The following GALNT16 variants were observed in gnomAD, a reference collection of about 807,000 sequenced individuals.
The protein encoded by GALNT16 is polypeptide N-acetylgalactosaminyltransferase 16.
GALNT16 carries 40 observed loss-of-function variants against 76.1 expected under a neutral mutation model. The observed-to-expected ratio is 0.53, with a 90% confidence interval of 0.41 to 0.68. The LOEUF (loss-of-function observed/expected upper bound fraction) is 0.68. Among genes scored for constraint, GALNT16 ranks in the 30% least tolerant of loss-of-function variants. The probability of loss-of-function intolerance (pLI) is 0.00; values close to 1 mark genes in which losing one functional copy is unlikely to be tolerated. For synonymous variants in GALNT16, 276 were observed against 285.2 expected (o/e 0.97, Z 0.32); for missense variants, 621 against 731.9 (o/e 0.85, Z 1.75).
At chr14:69,310,192 AC>A (rs1161355271) in intron 1 of GALNT16, among the ~76,000 whole-genome samples, 22 of 152,234 alleles carry the variant, frequency 1.4e-4, no homozygotes, top group African/African-American at 5.3e-4. Flanking sequence ...ACTATATACT[AC>A]TATATAGGAT....
chr14:69,296,878 A>T (rs1415833309), intron 1 of GALNT16, among the ~76,000 whole-genome samples: 1 of 152,204 alleles, frequency 6.6e-6, no homozygotes, highest in Non-Finnish European at 1.5e-5. Context: ...AAAAGGTAGC[A>T]TATTACATAT....
At chr14:69,316,803 A>T (rs1367071888) in intron 1 of GALNT16, among the ~76,000 whole-genome samples, 1 of 149,748 alleles carries the variant, frequency 6.7e-6, no homozygotes, top group African/African-American at 2.5e-5. Flanking sequence ...AGGTCACGTG[A>T]TGTATCACAG....
chr14:69,314,036 C>G (rs942288862), intron 1 of GALNT16, among the ~76,000 whole-genome samples: 1 of 152,342 alleles, frequency 6.6e-6, no homozygotes, highest in South Asian at 2.1e-4. Context: ...TTAAAAACAT[C>G]TGATGCTTTT....
At chr14:69,300,505 T>TA (rs1434436797) in intron 1 of GALNT16, among the ~76,000 whole-genome samples, 4 of 152,218 alleles carry the variant, frequency 2.6e-5, no homozygotes, top group African/African-American at 9.6e-5. Flanking sequence ...AAACCACGCT[T>TA]GCTTTTGCCT....
intron 1 of GALNT16, among the ~76,000 whole-genome samples, chr14:69,277,615 G>A (rs1489841091): frequency 6.6e-6 from 1 of 152,152 alleles, no homozygotes; most frequent in Non-Finnish European, 1.5e-5. Flanking sequence ...TCTTAATCCA[G>A]TCTATCATTG....
intron 1 of GALNT16, among the ~76,000 whole-genome samples, chr14:69,310,421 T>A (rs1267077516): frequency 6.6e-6 from 1 of 152,154 alleles, no homozygotes. Context: ...AGAATGTATG[T>A]CTTTACATCA....
the GALNT16 span, among the ~76,000 whole-genome samples, chr14:69,381,110 T>C: frequency 4.1e-4 from 63 of 152,234 alleles, no homozygotes; most frequent in African/African-American, 1.4e-3. Flanking sequence ...GGTGAAACCT[T>C]GTCTCTACTA....
chr14:69,293,229 C>T (rs1161153717), intron 1 of GALNT16, among the ~76,000 whole-genome samples: 1 of 152,200 alleles, frequency 6.6e-6, no homozygotes, highest in South Asian at 2.1e-4. Flanking sequence ...AACCTCAGCA[C>T]GCTGCCTCAC....
intron 11 of GALNT16, among the ~76,000 whole-genome samples, chr14:69,340,983 ATATC>A (rs1463725669): frequency 1.3e-5 from 2 of 152,216 alleles, no homozygotes; most frequent in Non-Finnish European, 2.9e-5. Context: ...CTATTTATTC[ATATC>A]TATCTCCCTT....
At chr14:69,373,414 C>T in the GALNT16 span, among the ~76,000 whole-genome samples, 1 of 152,200 alleles carries the variant, frequency 6.6e-6, no homozygotes, top group Non-Finnish European at 1.5e-5. Context: ...TTCTCATTAG[C>T]CTCTTCATAG....
chr14:69,265,369 G>A (rs1270181042), intron 1 of GALNT16, among the ~76,000 whole-genome samples: 1 of 152,210 alleles, frequency 6.6e-6, no homozygotes, highest in African/African-American at 2.4e-5. Flanking sequence ...CCCCCGAGCT[G>A]CTCCGAGATC....
chr14:69,341,618 A>G, intron 11 of GALNT16, 63 bp from the exon 12 acceptor site: 1 of 1,085,968 alleles, frequency 9.2e-7, no homozygotes, highest in Non-Finnish European at 1.4e-6. Context: ...GGCCTCTGGC[A>G]TCCTCCCTCG....
At chr14:69,330,381 A>G (rs1156343213) in intron 6 of GALNT16, among the ~76,000 whole-genome samples, 2 of 152,252 alleles carry the variant, frequency 1.3e-5, no homozygotes, top group East Asian at 3.8e-4. Flanking sequence ...AAATCTATAG[A>G]AACAGAAAGT....
At chr14:69,297,999 G>A (rs1025394759) in intron 1 of GALNT16, among the ~76,000 whole-genome samples, 2 of 152,168 alleles carry the variant, frequency 1.3e-5, no homozygotes, top group Admixed American at 6.5e-5. Context: ...GGCTCAGAGA[G>A]GTTAAGTAAT....
chr14:69,298,112 G>C (rs1339115815), intron 1 of GALNT16, among the ~76,000 whole-genome samples: 1 of 152,236 alleles, frequency 6.6e-6, no homozygotes, highest in African/African-American at 2.4e-5. Context: ...TCAGACTAGA[G>C]ACATTCAGGA....
At chr14:69,277,742 A>G (rs1436778209) in intron 1 of GALNT16, among the ~76,000 whole-genome samples, 2 of 152,208 alleles carry the variant, frequency 1.3e-5, no homozygotes, top group Non-Finnish European at 2.9e-5. Context: ...TATACCCAGT[A>G]ATGGGATGGC....
At chr14:69,260,825 G>C (rs2044257929) in intron 1 of GALNT16, among the ~76,000 whole-genome samples, 1 of 152,002 alleles carries the variant, frequency 6.6e-6, no homozygotes, top group African/African-American at 2.4e-5. Context: ...AGGCTGCCGG[G>C]CCCAGCGCGC....
At chr14:69,296,234 G>A (rs2044757899) in intron 1 of GALNT16, among the ~76,000 whole-genome samples, 1 of 152,090 alleles carries the variant, frequency 6.6e-6, no homozygotes. Context: ...TCACTATTAT[G>A]AGAACAGCAC....
intron 1 of GALNT16, among the ~76,000 whole-genome samples, chr14:69,289,657 C>T (rs1205375173): frequency 2.0e-5 from 3 of 152,070 alleles, no homozygotes; most frequent in East Asian, 1.9e-4. Flanking sequence ...TGGAAGGAAA[C>T]GGGTGCTCTT....
Sources: gnomAD v4.1 joint callset for allele counts (sites outside exome capture counted in the v4.1 genomes callset) on GRCh38, gnomAD v4.1.1 for gene constraint, MANE v1.5 for transcripts, NCBI Gene and HGNC (gene_info 2026-07-23, HGNC 2026-07-21) for gene names.